SLC4A1AP: variants seen among roughly 807,000 people sequenced by gnomAD.
SLC4A1AP encodes kanadaptin.
Under a neutral mutation model 89.7 loss-of-function variants are expected in SLC4A1AP, and 64 were observed. The observed-to-expected ratio is 0.71, with a 90% CI of 0.58 to 0.88. The LOEUF is 0.88. SLC4A1AP is among the 40% of genes least tolerant of loss of function. SLC4A1AP has a pLI of 0.00. For synonymous variants in SLC4A1AP, 366 were observed against 353.3 expected, an observed-to-expected ratio of 1.04 and a Z score of -0.40; for missense variants, 931 against 965.0, an observed-to-expected ratio of 0.96 and a Z score of 0.47.
intron 8 of SLC4A1AP, among the ~76,000 whole-genome samples, chr2:27,680,789 C>A (rs1321322363): frequency 1.2e-4 from 4 of 33,736 alleles, no homozygotes; most frequent in Admixed American, 8.0e-4. Context: ...CTTTGGAAAA[C>A]AACAACAACA....
chr2:27,685,448 C>A (rs1034745485), intron 10 of SLC4A1AP, among the ~76,000 whole-genome samples, 171 bp downstream of exon 10: 1 of 152,214 alleles, frequency 6.6e-6, no homozygotes, highest in Non-Finnish European at 1.5e-5. Flanking sequence ...GACCGCCAGT[C>A]ATTATTTGTC....
chr2:27,675,803 T>TG, intron 6 of SLC4A1AP, 111 bp downstream of exon 6: 2 of 669,796 alleles, frequency 3.0e-6, no homozygotes, highest in Non-Finnish European at 4.4e-6. Context: ...AGCATTGAAA[T>TG]CTGATACTGA....
At chr2:27,693,622 T>G (rs1008172747) in intron 12 of SLC4A1AP, 63 bp from the exon 13 acceptor site, 23 of 1,339,522 alleles carry the variant, frequency 1.7e-5, no homozygotes, top group African/African-American at 2.9e-5. Context: ...CAATCCCTTC[T>G]GCAGTTGTAA....
Position 27,682,374 on chromosome 2 carries a change from A to T in SLC4A1AP, c.1875+15A>T. On this transcript the variant is annotated intron_variant, in intron 9 of 13. Coordinates refer to ENST00000613058, the Ensembl canonical transcript of SLC4A1AP. Reference sequence around the variant, plus strand: ...GAACAGTAGGGGTAAGTTGTGAGTCAGGGTGTTAAACTTTTAGCCCTTGAG... The same window carrying T: ...GAACAGTAGGGGTAAGTTGTGAGTCTGGGTGTTAAACTTTTAGCCCTTGAG... 1 of 1,535,602 alleles carries T rather than the reference A, an allele frequency of 6.5e-7. No individual in the cohort carries two copies. The highest frequency in any genetic ancestry group is 1.7e-5 in the Admixed American group (1 of 57,868).
intron 5 of SLC4A1AP, among the ~76,000 whole-genome samples, chr2:27,670,790 G>A (rs941216626): frequency 1.3e-5 from 2 of 151,830 alleles, no homozygotes; most frequent in Non-Finnish European, 2.9e-5. Context: ...GAACCCAGGA[G>A]GCAGAGTTTT....
chr2:27,688,147 C>T (rs957706760), intron 11 of SLC4A1AP, 127 bp downstream of exon 11: 2 of 680,782 alleles, frequency 2.9e-6, no homozygotes, highest in East Asian at 2.9e-5. Context: ...TGCCACTAGG[C>T]CCCTGGACAA....
chr2:27,667,256 C>T lies in SLC4A1AP; in HGVS notation c.1022-12C>T. 2 of 1,597,364 alleles carry T rather than the reference C, an allele frequency of 1.3e-6. No homozygotes were observed. The highest frequency in any genetic ancestry group is 2.3e-5 in the East Asian group (1 of 44,426). On this transcript the variant is annotated splice_polypyrimidine_tract_variant and intron_variant, in intron 2 of 13. Coordinates refer to ENST00000613058, the Ensembl canonical transcript of SLC4A1AP. ...GTCTGATTATCTTTTCTTTCTTTTC[C>T]ATATCCTGTAGGAGAAGATGCAGTA...
At chr2:27,688,758 T>G in exon 12 of SLC4A1AP, 1 of 1,603,772 alleles carries the variant, frequency 6.2e-7, no homozygotes, top group South Asian at 1.1e-5. Flanking sequence ...AAACACCTGG[T>G]CCAGGCAAAG....
At chr2:27,688,515 G>A (rs1386414075) in intron 11 of SLC4A1AP, among the ~76,000 whole-genome samples, 185 bp from the exon 12 acceptor site, 1 of 152,014 alleles carries the variant, frequency 6.6e-6, no homozygotes, top group Non-Finnish European at 1.5e-5. Context: ...TAAAAACTAG[G>A]GTTATTCATC....
At chr2:27,693,216 G>A (rs1675817313) in intron 12 of SLC4A1AP, 1 of 151,906 alleles carries the variant, frequency 6.6e-6, no homozygotes. Context: ...ACAGGTGTGA[G>A]CCACTGCGCC....
chr2:27,668,273 C>T (rs1675365912), intron 3 of SLC4A1AP, among the ~76,000 whole-genome samples: 2 of 152,038 alleles, frequency 1.3e-5, no homozygotes, highest in African/African-American at 4.8e-5. Context: ...GTCAGCCTCC[C>T]GAGTAGCTGG....
intron 9 of SLC4A1AP, among the ~76,000 whole-genome samples, chr2:27,682,827 G>A (rs1382673699): frequency 2.0e-5 from 3 of 152,112 alleles, no homozygotes; most frequent in Admixed American, 2.0e-4. Context: ...TGGCCAGTTT[G>A]TGGATTCTTT....
chr2:27,676,524 A>G (rs1675525460), intron 6 of SLC4A1AP, among the ~76,000 whole-genome samples: 1 of 152,136 alleles, frequency 6.6e-6, no homozygotes, highest in Non-Finnish European at 1.5e-5. Flanking sequence ...TTAACACATA[A>G]AAAGTGTTAA....
At position 27,682,617 on chromosome 2, in the gene SLC4A1AP, C is replaced by T. The variant is rs141156741; in HGVS notation, c.1875+258C>T. 3.9e-3 allele frequency among the ~76,000 whole-genome samples: 585 copies of T among 151,474 alleles called. 4 individuals are homozygous for T. Among genetic ancestry groups the T allele is most frequent in the African/African-American group, 0.013 (554 of 41,250 alleles). ...TCGGCTGACTGCAACTTCCGCCTCC[C>T]GGGTTCAAGCAATTCTCCTGCCTCA... On this transcript the variant is annotated intron_variant, in intron 9 of 13. Transcript: ENST00000613058.
At chr2:27,673,990 T>TTGTGTGTGTG (rs56759152) in intron 5 of SLC4A1AP, among the ~76,000 whole-genome samples, 1 of 148,554 alleles carries the variant, frequency 6.7e-6, no homozygotes, top group East Asian at 2.1e-4. Context: ...CATATACAAG[T>TTGTGTGTGTG]TGTGTGTGTG....
chr2:27,688,019 A>C, exon 11 of SLC4A1AP: 1 of 1,613,130 alleles, frequency 6.2e-7, no homozygotes, highest in Non-Finnish European at 8.5e-7. Flanking sequence ...CAGGACCCTC[A>C]GGCAAGTAGT....
At chr2:27,670,454 A>C (rs1195839908) in intron 5 of SLC4A1AP, among the ~76,000 whole-genome samples, 1 of 151,980 alleles carries the variant, frequency 6.6e-6, no homozygotes, top group Non-Finnish European at 1.5e-5. Context: ...GTTCAAAACT[A>C]CCAAAAGGCT....
intron 2 of SLC4A1AP, among the ~76,000 whole-genome samples, chr2:27,666,759 A>G (rs1403390348): frequency 6.6e-6 from 1 of 152,020 alleles, no homozygotes. Flanking sequence ...TTGTCACACA[A>G]TTTAGAAAAC....
At chr2:27,693,496 G>T (rs1675822319) in intron 12 of SLC4A1AP, 189 bp from the exon 13 acceptor site, 2 of 563,166 alleles carry the variant, frequency 3.6e-6, no homozygotes, top group Non-Finnish European at 6.3e-6. Flanking sequence ...AATTCCCTCA[G>T]CATGTGCTTG....
Sources: gnomAD v4.1 joint callset for allele counts (sites outside exome capture counted in the v4.1 genomes callset) on GRCh38, gnomAD v4.1.1 for gene constraint, MANE v1.5 for transcripts, NCBI Gene and HGNC (gene_info 2026-07-23, HGNC 2026-07-21) for gene names.